The following ANKFN1 variants were observed in gnomAD, a reference collection of about 807,000 sequenced individuals.
ANKFN1 encodes the protein ankyrin repeat and fibronectin type III domain containing 1.
In ANKFN1, 74 loss-of-function variants were observed where a neutral mutation model predicts 108.7. That is an observed-to-expected ratio of 0.68 (90% CI 0.56 to 0.83). The LOEUF (loss-of-function observed/expected upper bound fraction) is 0.83. ANKFN1 is among the 40% of genes least tolerant of loss of function. The pLI, the probability that ANKFN1 is intolerant of heterozygous loss-of-function variation, is 0.00. For synonymous variants in ANKFN1, 547 were observed against 516.2 expected, an observed-to-expected ratio of 1.06 and a Z score of -0.81; for missense variants, 1,505 against 1,382.3, an observed-to-expected ratio of 1.09 and a Z score of -1.41.
At chr17:56,093,509 G>A (rs888345422) in intron 4 of ANKFN1, among the ~76,000 whole-genome samples, 2 of 151,164 alleles carry the variant, frequency 1.3e-5, no homozygotes, top group East Asian at 1.9e-4. Flanking sequence ...CGCAAAAAAC[G>A]GCACCCAGGA....
chr17:56,473,258 G>A (rs1258043998), intron 15 of ANKFN1: 2 of 152,150 alleles, frequency 1.3e-5, no homozygotes, highest in African/African-American at 2.4e-5. Context: ...AATCCATTTT[G>A]GCTAGAGATA....
Position 56,372,717 on chromosome 17 carries a change from C to A in ANKFN1, c.673C>A (p.Leu225Met). 1.9e-6 allele frequency: 3 copies of A among 1,614,010 alleles called. No individual in the cohort carries two copies. Among genetic ancestry groups the A allele is most frequent in the Non-Finnish European group, 2.5e-6 (3 of 1,179,974 alleles). ...GGAAGCCCAGGAGAGGGTGAGTGAACTGTCTGCCCAGGTGGAGAATGAAGG... is the reference window on the plus strand; with the variant it reads ...GGAAGCCCAGGAGAGGGTGAGTGAAATGTCTGCCCAGGTGGAGAATGAAGG... ...VQEAQERVSE[L>M]SAQVENEGFT... The change falls in exon 7 of 21, where the codon CTG becomes ATG. Residue 225 changes from leucine to methionine, a missense_variant. Transcript: ENST00000682825.
intron 14 of ANKFN1, among the ~76,000 whole-genome samples, chr17:56,460,197 C>G (rs77510920): frequency 0.03 from 4,536 of 152,076 alleles, 200 homozygotes; most frequent in African/African-American, 0.1. Context: ...ATTTTAAAAC[C>G]TTCTCCCCAG....
At chr17:56,452,280 A>C (rs2049513409) in intron 11 of ANKFN1, among the ~76,000 whole-genome samples, 1 of 152,208 alleles carries the variant, frequency 6.6e-6, no homozygotes, top group African/African-American at 2.4e-5. Context: ...TTAGGGAACT[A>C]CTGCATTCAG....
chr17:56,309,284 CTG>C (rs2044938196), intron 3 of ANKFN1, among the ~76,000 whole-genome samples: 1 of 152,044 alleles, frequency 6.6e-6, no homozygotes, highest in Non-Finnish European at 1.5e-5. Flanking sequence ...TTGTGATAGT[CTG>C]TGTTTTAAGA....
rs571488117 is a variant in ANKFN1, at chr17:56,511,039, A to G, written c.3211A>G (p.Ser1071Gly). Residue 1071 changes from serine (S) to glycine (G), a missense_variant, in exon 21 of 21, where the codon AGC (serine) becomes GGC (glycine). By Grantham distance (56) the Ser-to-Gly change is moderately conservative. Coordinates refer to ENST00000682825, the MANE Select transcript of ANKFN1 (RefSeq NM_001370326.1). ...PRGLTLAHAA[S>G]LPEERNSSLQ... Reference sequence around the variant, plus strand: ...GGGCCTAACTCTGGCCCACGCTGCCAGCCTTCCTGAGGAGCGGAACAGCAG... The same window carrying G: ...GGGCCTAACTCTGGCCCACGCTGCCGGCCTTCCTGAGGAGCGGAACAGCAG... 8.5e-5 allele frequency: 131 copies of G among 1,536,004 alleles called. No individual in the cohort carries two copies. The highest frequency in any genetic ancestry group is 1.1e-4 in the Non-Finnish European group (128 of 1,146,880).
intron 1 of ANKFN1, among the ~76,000 whole-genome samples, chr17:56,166,874 T>C (rs1216324112): frequency 6.6e-6 from 1 of 152,172 alleles, no homozygotes; most frequent in Non-Finnish European, 1.5e-5. Context: ...TCCATTAGAT[T>C]ATAAACTCCT....
chr17:56,458,625 CAA>C (rs1418967776), intron 14 of ANKFN1, among the ~76,000 whole-genome samples: 3 of 152,068 alleles, frequency 2.0e-5, no homozygotes, highest in Non-Finnish European at 4.4e-5. Flanking sequence ...AAATTCTAAC[CAA>C]GATTTTCTGG....
chr17:56,152,260 A>ATGTGTGTGTGTGTGTGTG (rs747513318), upstream of ANKFN1, among the ~76,000 whole-genome samples: 293 of 128,622 alleles, frequency 2.3e-3, no homozygotes, highest in Non-Finnish European at 4.0e-3. Flanking sequence ...ATATATATAT[A>ATGTGTGTGTGTGTGTGTG]TATGTGTGTG....
chr17:56,111,450 T>C (rs1905956380), intron 4 of ANKFN1, among the ~76,000 whole-genome samples: 1 of 151,802 alleles, frequency 6.6e-6, no homozygotes, highest in African/African-American at 2.4e-5. Flanking sequence ...TACTGCTTTT[T>C]GCTGAAGCCA....
At chr17:56,202,531 G>A (rs1010991834) in intron 1 of ANKFN1, among the ~76,000 whole-genome samples, 2 of 152,132 alleles carry the variant, frequency 1.3e-5, no homozygotes, top group African/African-American at 4.8e-5. Flanking sequence ...ACCTATGTAT[G>A]ATGAACCAAA....
At chr17:56,477,459 T>TG in intron 15 of ANKFN1, 29 bp from the exon 16 acceptor site, 3 of 1,503,238 alleles carry the variant, frequency 2.0e-6, no homozygotes, top group Admixed American at 2.4e-5. Flanking sequence ...TTTCTTGTTT[T>TG]CTTTTTTTTT....
At chr17:56,178,163 G>A (rs1205804232) in intron 1 of ANKFN1, among the ~76,000 whole-genome samples, 1 of 152,158 alleles carries the variant, frequency 6.6e-6, no homozygotes, top group Non-Finnish European at 1.5e-5. Context: ...AGGGAGAGGT[G>A]CAGACTTAGG....
chr17:56,502,307 C>G (rs1209268618), intron 20 of ANKFN1, among the ~76,000 whole-genome samples: 2 of 152,170 alleles, frequency 1.3e-5, no homozygotes, highest in African/African-American at 4.8e-5. Context: ...GTGCCAAACT[C>G]TCACGTTGGC....
intron 8 of ANKFN1, among the ~76,000 whole-genome samples, chr17:56,396,881 C>A (rs967401016): frequency 6.6e-6 from 1 of 152,046 alleles, no homozygotes; most frequent in Non-Finnish European, 1.5e-5. Flanking sequence ...GCTTTTCCAC[C>A]ACCCATCAGC....
chr17:56,355,038 G>GTGA (rs1322157096), intron 6 of ANKFN1, among the ~76,000 whole-genome samples: 3 of 152,108 alleles, frequency 2.0e-5, no homozygotes, highest in Non-Finnish European at 4.4e-5. Flanking sequence ...GTACAGTAGG[G>GTGA]TGATGTTGGA....
intron 1 of ANKFN1, among the ~76,000 whole-genome samples, chr17:56,168,310 T>C (rs1191572304): frequency 6.6e-6 from 1 of 151,142 alleles, no homozygotes; most frequent in African/African-American, 2.4e-5. Context: ...GTGACTACTG[T>C]GTAGGACTCT....
At chr17:56,110,332 C>T (rs769675042) in intron 4 of ANKFN1, among the ~76,000 whole-genome samples, 9 of 152,130 alleles carry the variant, frequency 5.9e-5, no homozygotes, top group African/African-American at 1.7e-4. Flanking sequence ...GTTTACTTTT[C>T]GGAAAAGCAC....
At chr17:56,113,437 A>G (rs1906087478) in intron 4 of ANKFN1, among the ~76,000 whole-genome samples, 1 of 152,198 alleles carries the variant, frequency 6.6e-6, no homozygotes, top group South Asian at 2.1e-4. Flanking sequence ...AAAGTTAGCA[A>G]GATAAAAGAA....
Sources: allele counts gnomAD v4.1 joint callset (sites outside exome capture counted in the v4.1 genomes callset), GRCh38; gene constraint gnomAD v4.1.1; transcripts MANE v1.5; gene names NCBI Gene and HGNC (gene_info 2026-07-23, HGNC 2026-07-21).